The following CRB1 variants were observed in gnomAD, a reference collection of about 807,000 sequenced individuals.
CRB1 encodes the protein crumbs cell polarity complex component 1.
A neutral mutation model predicts 120.0 loss-of-function variants in CRB1; 83 were observed. The ratio of observed to expected loss-of-function variants is 0.69; its 90% CI spans 0.58 to 0.83. The LOEUF (loss-of-function observed/expected upper bound fraction) is 0.83, where lower values mean the gene tolerates loss of function less well. Ranked by LOEUF, CRB1 falls within the 40% of genes least tolerant of loss-of-function variation. CRB1 has a pLI of 0.00. For missense variants in CRB1, 1,699 were observed against 1,687.6 expected, an observed-to-expected ratio of 1.01 and a Z score of -0.12; for synonymous variants, 625 against 612.5, an observed-to-expected ratio of 1.02 and a Z score of -0.30.
At chr1:197,331,423 C>T (rs1169293379) in intron 2 of CRB1, among the ~76,000 whole-genome samples, 2 of 152,194 alleles carry the variant, frequency 1.3e-5, no homozygotes, top group East Asian at 3.9e-4. Context: ...TCAATACTAT[C>T]TAAAAGTTAT....
intron 5 of CRB1, among the ~76,000 whole-genome samples, chr1:197,401,470 C>G (rs1003862970): frequency 8.5e-5 from 13 of 152,052 alleles, no homozygotes; most frequent in Non-Finnish European, 1.9e-4. Context: ...ATGGTCTTTG[C>G]TAACATAATC....
At chr1:197,410,854 C>A (rs1246180114) in intron 5 of CRB1, among the ~76,000 whole-genome samples, 3 of 152,146 alleles carry the variant, frequency 2.0e-5, no homozygotes, top group Non-Finnish European at 4.4e-5. Context: ...TCTAAATCTG[C>A]ACAGCTTCAA....
chr1:197,275,814 A>T (rs1395946167), intron 1 of CRB1, among the ~76,000 whole-genome samples: 1 of 151,974 alleles, frequency 6.6e-6, no homozygotes. Context: ...ACTTTCCTTT[A>T]TTATTGATTC....
intron 10 of CRB1, chr1:197,438,988 T>A (rs1048476289): frequency 3.2e-6 from 1 of 310,372 alleles, no homozygotes; most frequent in East Asian, 8.2e-5. Flanking sequence ...TAATACATGA[T>A]GCAAATATGG....
At chr1:197,467,415 C>A (rs1666797577) in intron 11 of CRB1, among the ~76,000 whole-genome samples, 1 of 151,922 alleles carries the variant, frequency 6.6e-6, no homozygotes, top group Non-Finnish European at 1.5e-5. Context: ...AGAAAGAAGG[C>A]TTCCTTCTAT....
intron 1 of CRB1, among the ~76,000 whole-genome samples, chr1:197,303,888 T>G (rs866434447): frequency 1.1e-4 from 16 of 152,182 alleles, no homozygotes; most frequent in Non-Finnish European, 2.1e-4. Context: ...CTTGGGAGGC[T>G]GAGGCAGGAG....
chr1:197,272,467 G>T (rs1261772148), intron 1 of CRB1, among the ~76,000 whole-genome samples: 1 of 151,460 alleles, frequency 6.6e-6, no homozygotes, highest in Non-Finnish European at 1.5e-5. Flanking sequence ...TTTCATCATT[G>T]GTGATTTTCA....
intron 1 of CRB1, among the ~76,000 whole-genome samples, chr1:197,292,630 T>G (rs893927185): frequency 6.6e-6 from 1 of 152,120 alleles, no homozygotes; most frequent in East Asian, 1.9e-4. Context: ...TAGACCAATA[T>G]CCCTGATGAA....
At chr1:197,292,345 T>C (rs1448295077) in intron 1 of CRB1, among the ~76,000 whole-genome samples, 2 of 151,166 alleles carry the variant, frequency 1.3e-5, no homozygotes, top group Non-Finnish European at 1.5e-5. Context: ...CTATACAGCA[T>C]CCCAAGACTA....
chr1:197,264,791 T>G (rs1654595362), upstream of CRB1, among the ~76,000 whole-genome samples: 1 of 150,966 alleles, frequency 6.6e-6, no homozygotes, highest in Non-Finnish European at 1.5e-5. Context: ...CCGGCTAACT[T>G]TTGTTTTTTT....
Position 197,272,640 on chromosome 1 carries a change from C to T in CRB1, c.70+4158C>T, listed in dbSNP as rs1472339239. On this transcript the variant is annotated intron_variant, in intron 1 of 11. Coordinates refer to ENST00000367400, the MANE Select transcript of CRB1 (RefSeq NM_201253.3). Reference sequence around the variant, plus strand: ...AAGTCACAAAAGCACATGGAGGGAGCTTAAATAAATATTGCTGTGTGAAAG... The same window carrying T: ...AAGTCACAAAAGCACATGGAGGGAGTTTAAATAAATATTGCTGTGTGAAAG... 2.6e-5 allele frequency among the ~76,000 whole-genome samples: 4 copies of T among 152,020 alleles called. No homozygotes were observed. The East Asian group carries it at 7.7e-4, about 29-fold the overall frequency.
intron 4 of CRB1, among the ~76,000 whole-genome samples, chr1:197,350,133 T>A (rs1234706691): frequency 1.3e-5 from 2 of 148,364 alleles, no homozygotes; most frequent in South Asian, 2.1e-4. Flanking sequence ...AACCTGAAAA[T>A]TTTCCAAACT....
At chr1:197,206,577 T>A in the CRB1 span, among the ~76,000 whole-genome samples, 1 of 152,142 alleles carries the variant, frequency 6.6e-6, no homozygotes, top group African/African-American at 2.4e-5. Context: ...GGAGTTGATT[T>A]CTAATTTTAT....
chr1:197,297,648 G>A (rs989952217), intron 1 of CRB1, among the ~76,000 whole-genome samples: 10 of 152,106 alleles, frequency 6.6e-5, no homozygotes, highest in Admixed American at 2.6e-4. Flanking sequence ...CAATCTATAC[G>A]TAGCAAGTAG....
At chr1:197,464,973 G>A (rs1158729180) in intron 11 of CRB1, among the ~76,000 whole-genome samples, 1 of 152,118 alleles carries the variant, frequency 6.6e-6, no homozygotes, top group Non-Finnish European at 1.5e-5. Context: ...TTGTAGCAAA[G>A]GAACAGAGTT....
rs557582877 is a variant in CRB1 at position 197,406,584 on chromosome 1, T to A, written c.1172-14416T>A. 2.3e-3 allele frequency among the ~76,000 whole-genome samples: 347 copies of A among 152,090 alleles called. 2 individuals are homozygous for A. Among genetic ancestry groups the A allele is most frequent in the African/African-American group, 7.7e-3 (317 of 41,436 alleles). On this transcript the variant is annotated intron_variant, in intron 5 of 11. Transcript: ENST00000367400. ...CAAGAATGATCAATAAAAAAATAAATAAATAAAAAATAATGTGCTCAATAT... is the reference window on the plus strand; with the variant it reads ...CAAGAATGATCAATAAAAAAATAAAAAAATAAAAAATAATGTGCTCAATAT...
the CRB1 span, among the ~76,000 whole-genome samples, chr1:197,230,304 T>G: frequency 0.22 from 33,798 of 152,170 alleles, 4,205 homozygotes; most frequent in Middle Eastern, 0.29. Context: ...AAATATTTTT[T>G]GATCTGTACT....
At chr1:197,273,349 C>T (rs1336468257) in intron 1 of CRB1, among the ~76,000 whole-genome samples, 2 of 152,078 alleles carry the variant, frequency 1.3e-5, no homozygotes, top group African/African-American at 4.8e-5. Context: ...TTTATACAAT[C>T]AACATGATAT....
chr1:197,260,952 C>A, the CRB1 span, among the ~76,000 whole-genome samples: 1 of 152,136 alleles, frequency 6.6e-6, no homozygotes, highest in Non-Finnish European at 1.5e-5. Context: ...GCCTTGGCCT[C>A]CCAAAGTGCT....
Sources: gnomAD v4.1 joint callset for allele counts (sites outside exome capture counted in the v4.1 genomes callset) on GRCh38, gnomAD v4.1.1 for gene constraint, MANE v1.5 for transcripts, NCBI Gene and HGNC (gene_info 2026-07-23, HGNC 2026-07-21) for gene names.